The following ACAD11 variants were observed in gnomAD, a reference collection of about 807,000 sequenced individuals.
ACAD11 encodes acyl-CoA dehydrogenase family member 11, also known as acyl-Coenzyme A dehydrogenase family, member 11.
Under a neutral mutation model 102.2 loss-of-function variants are expected in ACAD11, and 83 were observed. That is an observed-to-expected ratio of 0.81 (90% CI 0.68 to 0.97). ACAD11 has a LOEUF of 0.97. ACAD11 is among the 50% of genes least tolerant of loss of function. ACAD11 has a pLI of 0.00. For missense variants in ACAD11, 901 were observed against 951.7 expected (o/e 0.95, Z 0.70); for synonymous variants, 324 against 319.8 (o/e 1.01, Z -0.14).
chr3:132,614,060 A>G (rs1042930390), intron 11 of ACAD11, among the ~76,000 whole-genome samples: 15 of 152,120 alleles, frequency 9.9e-5, no homozygotes, highest in African/African-American at 3.6e-4. Flanking sequence ...TCTTGAGTGA[A>G]CTCCCATTCA....
At chr3:132,574,462 G>A (rs566558242) in intron 17 of ACAD11, among the ~76,000 whole-genome samples, 1 of 152,302 alleles carries the variant, frequency 6.6e-6, no homozygotes, top group South Asian at 2.1e-4. Context: ...AAAGCGGGCT[G>A]TAGCTTTTCA....
At chr3:132,563,397 T>A (rs1402948413) in intron 17 of ACAD11, among the ~76,000 whole-genome samples, 1 of 152,218 alleles carries the variant, frequency 6.6e-6, no homozygotes, top group African/African-American at 2.4e-5. Flanking sequence ...AATTTGAGGA[T>A]GGTTAACATC....
chr3:132,636,303 A>G (rs540776603), intron 5 of ACAD11, among the ~76,000 whole-genome samples: 1 of 152,280 alleles, frequency 6.6e-6, no homozygotes, highest in South Asian at 2.1e-4. Flanking sequence ...TATTAGTAAA[A>G]TTATTTTTGA....
At chr3:132,620,090 GA>G (rs1939554799) in intron 9 of ACAD11, among the ~76,000 whole-genome samples, 1 of 152,168 alleles carries the variant, frequency 6.6e-6, no homozygotes, top group Non-Finnish European at 1.5e-5. Context: ...GAGGATCAAA[GA>G]TCAGCTCTTT....
intron 3 of ACAD11, 57 bp from the exon 4 acceptor site, chr3:132,642,190 T>C (rs927818783): frequency 1.4e-6 from 2 of 1,440,412 alleles, no homozygotes; most frequent in African/African-American, 2.8e-5. Context: ...CTTTGTCGAA[T>C]ATACTAGAAA....
intron 13 of ACAD11, among the ~76,000 whole-genome samples, chr3:132,592,460 G>A (rs920136491): frequency 6.6e-6 from 1 of 152,150 alleles, no homozygotes; most frequent in Admixed American, 6.6e-5. Context: ...CTGTTCAAGT[G>A]CCAGGATTAA....
chr3:132,619,613 G>C (rs1235429458), intron 9 of ACAD11, 68 bp from the exon 10 acceptor site: 9 of 822,230 alleles, frequency 1.1e-5, no homozygotes, highest in African/African-American at 3.5e-5. Context: ...GTCATAAACT[G>C]CTAATATCTA....
chr3:132,584,816 T>C (rs1937728750), intron 13 of ACAD11, among the ~76,000 whole-genome samples: 2 of 152,118 alleles, frequency 1.3e-5, no homozygotes, highest in African/African-American at 2.4e-5. Context: ...CAAGGAGAAC[T>C]ACAAACCACT....
At position 132,579,094 on chromosome 3, in the gene ACAD11, TTTGA is replaced by T. The variant is rs761816123; in HGVS notation, c.1689-217_1689-214del. 436 of 1,467,902 alleles carry T rather than the reference TTTGA, an allele frequency of 3.0e-4. No homozygotes were observed. The Middle Eastern group carries it at 0.012, about 39-fold the overall frequency. 90.9% of individuals were successfully genotyped at this position (1,467,902 alleles called of 1,614,324 possible). On this transcript the variant is annotated intron_variant, in intron 14 of 19. Transcript: ENST00000264990. ...CAATGATTTGAAAATAAATGAGTTG[TTTGA>T]TTGAAGCTTCTCACTGCTCAACAAT...
At chr3:132,583,117 G>A (rs1014818758) in intron 13 of ACAD11, among the ~76,000 whole-genome samples, 24 of 152,100 alleles carry the variant, frequency 1.6e-4, no homozygotes, top group African/African-American at 5.8e-4. Flanking sequence ...ATAGTTTCAG[G>A]AGGAATGGTA....
chr3:132,564,032 AT>A (rs1182094716), intron 17 of ACAD11, among the ~76,000 whole-genome samples: 3 of 152,134 alleles, frequency 2.0e-5, no homozygotes, highest in Non-Finnish European at 2.9e-5. Context: ...TGATCATGTG[AT>A]TTTTTTAATG....
At chr3:132,618,023 A>G (rs1010245412) in intron 11 of ACAD11, among the ~76,000 whole-genome samples, 7 of 152,168 alleles carry the variant, frequency 4.6e-5, no homozygotes, top group Admixed American at 4.6e-4. Flanking sequence ...TATTCCCTGT[A>G]CTTCAAATTT....
In ACAD11 at chr3:132,612,246, A is replaced by G. The variant is rs967662078; in HGVS notation, c.1414+6388T>C. ...AATTCAAGATGGATTAAAGACTTAC[A>G]TGTTAGACCTAAAACCATAAAAACC... On this transcript the variant is annotated intron_variant, in intron 11 of 19. Coordinates refer to ENST00000264990, the MANE Select transcript of ACAD11 (RefSeq NM_032169.5). Among the ~76,000 whole-genome samples the G allele has an allele frequency of 2.2e-4, 33 of 152,164 alleles. 1 individual carries two copies. Among genetic ancestry groups the G allele is most frequent in the African/African-American group, 7.2e-4 (30 of 41,428 alleles).
chr3:132,583,624 T>A (rs893576689), intron 13 of ACAD11, among the ~76,000 whole-genome samples: 16 of 152,322 alleles, frequency 1.1e-4, no homozygotes, highest in African/African-American at 3.8e-4. Flanking sequence ...CTTCTCTAGT[T>A]CTTTTAATTG....
chr3:132,651,464 A>C (rs1326262662), intron 1 of ACAD11, among the ~76,000 whole-genome samples: 1 of 152,188 alleles, frequency 6.6e-6, no homozygotes, highest in Non-Finnish European at 1.5e-5. Flanking sequence ...CTCAGCCAGT[A>C]ATTCTAGGAG....
At chr3:132,632,917 T>C (rs998690920) in intron 5 of ACAD11, among the ~76,000 whole-genome samples, 1 of 152,246 alleles carries the variant, frequency 6.6e-6, no homozygotes, top group African/African-American at 2.4e-5. Context: ...TTTTTGCACA[T>C]TGATTTTGTA....
chr3:132,623,747 G>A (rs919375225), intron 9 of ACAD11, among the ~76,000 whole-genome samples: 5 of 152,112 alleles, frequency 3.3e-5, no homozygotes, highest in African/African-American at 9.7e-5. Context: ...GTTCAGCAGA[G>A]TATCACAACC....
In ACAD11 at chr3:132,619,570, T is replaced by C. The variant is rs367855613; in HGVS notation, c.1198-25A>G. The C allele has an allele frequency of 1.6e-5, 22 of 1,346,184 alleles. No homozygotes were observed. In the African/African-American group the frequency reaches 3.0e-4, roughly 18 times the overall value. 83.4% of individuals were successfully genotyped at this position (1,346,184 alleles called of 1,614,324 possible). A position where few individuals can be genotyped will look rare whatever the true frequency, so the allele number is the denominator to read the frequency against. Reference sequence around the variant, plus strand: ...CCTTAAAGTAATAAAAGAAAAAAATTTCACTAGCTAAAGTTAATACAAAGT... The same window carrying C: ...CCTTAAAGTAATAAAAGAAAAAAATCTCACTAGCTAAAGTTAATACAAAGT... On this transcript the variant is annotated intron_variant, in intron 9 of 19. Coordinates refer to ENST00000264990, the MANE Select transcript of ACAD11 (RefSeq NM_032169.5).
chr3:132,586,449 AC>A (rs998558557), intron 13 of ACAD11, among the ~76,000 whole-genome samples: 4 of 152,212 alleles, frequency 2.6e-5, no homozygotes, highest in African/African-American at 9.6e-5. Flanking sequence ...TATGTAACAA[AC>A]CTAGACGTTG....
Sources: gnomAD v4.1 joint callset for allele counts (sites outside exome capture counted in the v4.1 genomes callset) on GRCh38, gnomAD v4.1.1 for gene constraint, MANE v1.5 for transcripts, NCBI Gene and HGNC (gene_info 2026-07-23, HGNC 2026-07-21) for gene names.